Variants in SIMC1 observed in about 807,000 individuals in gnomAD.
SIMC1 encodes the protein SUMO-interacting motif-containing protein 1.
A neutral mutation model predicts 82.3 loss-of-function variants in SIMC1; 55 were observed. The observed-to-expected ratio is 0.67, with a 90% CI of 0.54 to 0.84. SIMC1 has a LOEUF of 0.84. Among genes scored for constraint, SIMC1 ranks in the 40% least tolerant of loss-of-function variants. The probability of loss-of-function intolerance (pLI) is 0.00; values close to 1 mark genes in which losing one functional copy is unlikely to be tolerated. For synonymous variants in SIMC1, 353 were observed against 426.3 expected, an observed-to-expected ratio of 0.83 and a Z score of 2.12; for missense variants, 915 against 1,107.2, an observed-to-expected ratio of 0.83 and a Z score of 2.46.
At chr5:176,287,005 A>G (rs1763319368) in intron 1 of SIMC1, among the ~76,000 whole-genome samples, 1 of 152,246 alleles carries the variant, frequency 6.6e-6, no homozygotes, top group Non-Finnish European at 1.5e-5. Context: ...ATGTGAAGAA[A>G]TAGGAACACT....
chr5:176,279,945 A>G (rs926153162), intron 1 of SIMC1, among the ~76,000 whole-genome samples: 1 of 152,110 alleles, frequency 6.6e-6, no homozygotes, highest in Non-Finnish European at 1.5e-5. Context: ...AAAAATGTAT[A>G]TTCTGTTGAT....
At chr5:176,308,292 T>C (rs1296291181) in intron 4 of SIMC1, 2 of 1,464,638 alleles carry the variant, frequency 1.4e-6, no homozygotes, top group Non-Finnish European at 1.9e-6. Context: ...ATTCGTTCTG[T>C]CATCATCTTA....
intron 1 of SIMC1, among the ~76,000 whole-genome samples, chr5:176,256,816 C>T (rs1409942724): frequency 2.4e-4 from 36 of 152,224 alleles, no homozygotes; most frequent in Non-Finnish European, 7.4e-5. Context: ...AATCATAGCT[C>T]ATTGTAGCCT....
rs574936693 is a variant in SIMC1, at chr5:176,290,457, A to C, written c.933A>C (p.Ser311=). ...CATACCTGCAAGACATGCCACGGTCACCAGGAGATGTGCCACAGTCACCAA... is the reference window on the plus strand; with the variant it reads ...CATACCTGCAAGACATGCCACGGTCCCCAGGAGATGTGCCACAGTCACCAA... ...DVAYLQDMPR[S]PGDVPQSPSD... The change falls in exon 2 of 10, where the codon TCA becomes TCC. Residue 311 remains serine, a synonymous_variant. Transcript: ENST00000429602. 5.0e-6 allele frequency: 8 copies of C among 1,613,764 alleles called. No individual in the cohort carries two copies. The highest frequency in any genetic ancestry group is 1.3e-5 in the African/African-American group (1 of 74,906).
intron 1 of SIMC1, among the ~76,000 whole-genome samples, chr5:176,283,886 T>C (rs1009038038): frequency 6.6e-6 from 1 of 151,508 alleles, no homozygotes; most frequent in Non-Finnish European, 1.5e-5. Flanking sequence ...TAGTCTCTGA[T>C]AAAACAGACT....
At chr5:176,281,429 G>A (rs994095207) in intron 1 of SIMC1, among the ~76,000 whole-genome samples, 15 of 152,240 alleles carry the variant, frequency 9.9e-5, no homozygotes, top group Non-Finnish European at 5.9e-5. Context: ...CTCTCAACTC[G>A]TCAAAGTCAT....
chr5:176,343,188 T>TA (rs1299603825), intron 9 of SIMC1, among the ~76,000 whole-genome samples: 4 of 152,232 alleles, frequency 2.6e-5, no homozygotes, highest in African/African-American at 9.6e-5. Context: ...TGTAACCTGA[T>TA]AAACCGCTTA....
At chr5:176,279,196 G>A (rs1351294858) in intron 1 of SIMC1, among the ~76,000 whole-genome samples, 1 of 152,134 alleles carries the variant, frequency 6.6e-6, no homozygotes, top group East Asian at 1.9e-4. Context: ...TATGTGTCGA[G>A]GAATTTATCC....
chr5:176,274,451 G>A (rs111542595), intron 1 of SIMC1, among the ~76,000 whole-genome samples: 7 of 151,734 alleles, frequency 4.6e-5, no homozygotes, highest in South Asian at 2.1e-4. Flanking sequence ...CCAATTTTGT[G>A]GGTTGCCTGT....
chr5:176,283,047 A>G (rs904418762), intron 1 of SIMC1, among the ~76,000 whole-genome samples: 2 of 152,246 alleles, frequency 1.3e-5, no homozygotes, highest in Non-Finnish European at 1.5e-5. Context: ...TCTGCGTCTC[A>G]TTGGTGTACC....
rs1348062457 is a variant in SIMC1 at position 176,323,993 on chromosome 5, A to AT, written c.2043-636_2043-635insT. On this transcript the variant is annotated intron_variant, in intron 6 of 9. Transcript: ENST00000429602. ...ACAGAGCTAGACTCCATCTCAAAAA[A>AT]AAAAAAAAAAAAAAAAAAAAACACG... 3.3e-3 allele frequency among the ~76,000 whole-genome samples: 481 copies of AT among 147,934 alleles called. 7 individuals are homozygous for AT. The highest frequency in any genetic ancestry group is 0.01 in the Middle Eastern group (3 of 286).
chr5:176,294,948 G>A, intron 2 of SIMC1, 82 bp from the exon 3 acceptor site: 2 of 1,429,920 alleles, frequency 1.4e-6, no homozygotes, highest in Non-Finnish European at 1.8e-6. Flanking sequence ...CTGGGGAACA[G>A]AGCAAGACTC....
At chr5:176,250,816 A>G (rs1029134192) in intron 1 of SIMC1, among the ~76,000 whole-genome samples, 1 of 152,044 alleles carries the variant, frequency 6.6e-6, no homozygotes, top group African/African-American at 2.4e-5. Context: ...TTTGCTTGGT[A>G]ATTTATTCCT....
intron 1 of SIMC1, among the ~76,000 whole-genome samples, chr5:176,287,732 G>C (rs1399781152): frequency 6.7e-6 from 1 of 149,340 alleles, no homozygotes; most frequent in Non-Finnish European, 1.5e-5. Flanking sequence ...AAATCCTAAG[G>C]AATCGACAAA....
intron 2 of SIMC1, among the ~76,000 whole-genome samples, chr5:176,291,593 C>T (rs1215818930): frequency 6.6e-6 from 1 of 152,122 alleles, no homozygotes; most frequent in East Asian, 1.9e-4. Flanking sequence ...GCCTCGGCCT[C>T]CCAAAGTGCT....
intron 1 of SIMC1, among the ~76,000 whole-genome samples, chr5:176,279,919 G>A (rs1762905212): frequency 6.6e-6 from 1 of 151,980 alleles, no homozygotes; most frequent in South Asian, 2.1e-4. Context: ...TGGAATAGGT[G>A]TGGTGCGGTG....
rs564025667 is a variant in SIMC1 at position 176,337,259 on chromosome 5, A to G, written c.2413+113A>G. On this transcript the variant is annotated intron_variant, in intron 9 of 9. Transcript: ENST00000429602. ...TTGACATTGTTCCTTGGTTGTATGT[A>G]ACTTATTATAAGGGATAAGAAATGA... 8.0e-5 allele frequency: 72 copies of G among 901,290 alleles called. No homozygotes were observed. In the African/African-American group the frequency reaches 1.0e-3, roughly 13 times the overall value. The allele number at this position is 901,290 out of a possible 1,614,324, so 55.8% of individuals were successfully genotyped here.
At chr5:176,271,114 C>G (rs898512924) in intron 1 of SIMC1, among the ~76,000 whole-genome samples, 8 of 152,164 alleles carry the variant, frequency 5.3e-5, no homozygotes, top group African/African-American at 4.8e-5. Context: ...AATCCCAGCA[C>G]TTTGGGAGGC....
intron 1 of SIMC1, among the ~76,000 whole-genome samples, chr5:176,284,435 A>T (rs1763169187): frequency 6.6e-6 from 1 of 152,236 alleles, no homozygotes; most frequent in Non-Finnish European, 1.5e-5. Context: ...TGGGGTACAT[A>T]ATGAAATGAA....
Sources: allele counts gnomAD v4.1 joint callset (sites outside exome capture counted in the v4.1 genomes callset), GRCh38; gene constraint gnomAD v4.1.1; transcripts MANE v1.5; gene names NCBI Gene and HGNC (gene_info 2026-07-23, HGNC 2026-07-21).